Variants in NPTX2 observed in about 807,000 individuals in gnomAD.
NPTX2 encodes the protein neuronal pentraxin 2.
In NPTX2, 23 loss-of-function variants were observed where a neutral mutation model predicts 38.1. That is an observed-to-expected ratio of 0.60 (90% confidence interval 0.43 to 0.85). The LOEUF is 0.85. NPTX2 is among the 40% of genes least tolerant of loss of function. The pLI, the probability that NPTX2 is intolerant of heterozygous loss-of-function variation, is 0.00. For synonymous variants in NPTX2, 291 were observed against 287.3 expected, an observed-to-expected ratio of 1.01 and a Z score of -0.13; for missense variants, 553 against 615.3, an observed-to-expected ratio of 0.90 and a Z score of 1.07.
chr7:98,617,561 CCAGAGGCGGTGCACGCCG>C lies in NPTX2; in HGVS notation c.101_118del (p.Pro34_Gly40delinsArg). On this transcript the variant is annotated inframe_deletion, in exon 1 of 5. Coordinates refer to ENST00000265634, the MANE Select transcript of NPTX2 (RefSeq NM_002523.3). ...CCGCTTCGTGTGCACGGCACTGCCC[CCAGAGGCGGTGCACGCCG>C]GCTGCCCGCTGCCCGCGATGCCCAT... 1 of 1,478,196 alleles carries C rather than the reference CCAGAGGCGGTGCACGCCG, an allele frequency of 6.8e-7. No homozygotes were observed. The highest frequency in any genetic ancestry group is 8.9e-7 in the Non-Finnish European group (1 of 1,121,626). The allele number at this position is 1,478,196 out of a possible 1,614,324, so 91.6% of individuals were successfully genotyped here.
At chr7:98,622,690 C>T (rs926268349) in intron 2 of NPTX2, among the ~76,000 whole-genome samples, 2 of 152,210 alleles carry the variant, frequency 1.3e-5, no homozygotes, top group Admixed American at 1.3e-4. Context: ...TAATGAGAGA[C>T]TAGTCCCAGC....
chr7:98,624,862 T>C, intron 2 of NPTX2, 60 bp from the exon 3 acceptor site: 1 of 1,568,076 alleles, frequency 6.4e-7, no homozygotes, highest in East Asian at 2.3e-5. Context: ...CTCTGGGCCG[T>C]GCTGGTGGGT....
At position 98,617,401 on chromosome 7, in the gene NPTX2, G is replaced by A. The variant is rs1187388593; in HGVS notation, c.-61G>A. The A allele has an allele frequency of 3.2e-4, 148 of 466,568 alleles. No individual in the cohort carries two copies. The East Asian group carries it at 5.2e-3, about 16-fold the overall frequency. The allele number at this position is 466,568 out of a possible 1,614,324, so 28.9% of individuals were successfully genotyped here. On this transcript the variant is annotated 5_prime_UTR_variant, in exon 1 of 5. Transcript: ENST00000265634. ...ACTGCCAGCAGCGAAGGCGCCTCCC[G>A]CGGAGCGCCCCGACGGCGCCCGCTC...
chr7:98,625,238 A>G, intron 3 of NPTX2, 72 bp downstream of exon 3: 1 of 1,522,616 alleles, frequency 6.6e-7, no homozygotes, highest in East Asian at 2.3e-5. Flanking sequence ...CCCCCACCCC[A>G]GCCGTCCTCG....
At chr7:98,619,619 T>C in intron 1 of NPTX2, 24 bp from the exon 2 acceptor site, 1 of 1,591,134 alleles carries the variant, frequency 6.3e-7, no homozygotes, top group Non-Finnish European at 8.6e-7. Context: ...TCTGTGCCCC[T>C]CCCTCCTCCC....
At chr7:98,625,364 C>T (rs1023905058) in intron 3 of NPTX2, among the ~76,000 whole-genome samples, 198 bp downstream of exon 3, 13 of 152,140 alleles carry the variant, frequency 8.5e-5, no homozygotes, top group African/African-American at 2.9e-4. Flanking sequence ...GGGGAGGGGC[C>T]GAGCTGTGAG....
Position 98,619,755 on chromosome 7 carries a change from T to G in NPTX2, c.539T>G (p.Leu180Arg), listed in dbSNP as rs748665307. The change falls in exon 2 of 5, where the codon CTG becomes CGG. Residue 180 changes from leucine (L) to arginine (R), a missense_variant. By Grantham distance (102) the Leu-to-Arg change is moderately radical. Transcript: ENST00000265634. ...ERQLLRKVAE[L>R]EDEKSLLHNE... The stretch of plus-strand genomic sequence containing the variant: ...CAGCTTCTGCGCAAGGTGGCAGAGC[T>G]GGAGGACGAGAAGTCCCTGCTGCAC... 6.2e-7 allele frequency: 1 copy of G among 1,613,516 alleles called. No homozygotes were observed. The highest frequency in any genetic ancestry group is 8.5e-7 in the Non-Finnish European group (1 of 1,180,022).
Position 98,625,115 on chromosome 7 carries a change from C to T in NPTX2, c.837C>T (p.Ile279=), listed in dbSNP as rs201579756. 9.9e-6 allele frequency: 16 copies of T among 1,609,440 alleles called. No homozygotes were observed. The highest frequency in any genetic ancestry group is 4.5e-5 in the East Asian group (2 of 44,758). Residue 279 remains isoleucine (I), a synonymous_variant, in exon 3 of 5, where the codon ATC becomes ATT. Coordinates refer to ENST00000265634, the MANE Select transcript of NPTX2 (RefSeq NM_002523.3). Reference sequence around the variant, plus strand: ...CGGTGCCAGGGCAGGCCAACGAGATCGTGCTGATCGAGTGGGGCAACAACC... The same window carrying T: ...CGGTGCCAGGGCAGGCCAACGAGATTGTGCTGATCGAGTGGGGCAACAACC... The part of the protein sequence containing the change: ...SYAVPGQANE[I]VLIEWGNNPI...
intron 1 of NPTX2, among the ~76,000 whole-genome samples, chr7:98,619,063 G>T (rs1314304219): frequency 6.6e-6 from 1 of 152,192 alleles, no homozygotes; most frequent in African/African-American, 2.4e-5. Context: ...GCCTGCCACA[G>T]CCTCCAGAAC....
At position 98,628,881 on chromosome 7, in the gene NPTX2, G is replaced by T. The variant is rs763301633; in HGVS notation, c.*252G>T. 1.6e-5 allele frequency: 6 copies of T among 379,966 alleles called. No individual in the cohort carries two copies. Among genetic ancestry groups the T allele is most frequent in the African/African-American group, 2.0e-5 (1 of 49,322 alleles). 23.5% of individuals were successfully genotyped at this position (379,966 alleles called of 1,614,324 possible). ...GCCCCCAAGACACCTGCCCCAAGTGGGTGGATATCTGCCTTCCTGCTGCAA... is the reference window on the plus strand; with the variant it reads ...GCCCCCAAGACACCTGCCCCAAGTGTGTGGATATCTGCCTTCCTGCTGCAA... On this transcript the variant is annotated 3_prime_UTR_variant, in exon 5 of 5. Coordinates refer to ENST00000265634, the MANE Select transcript of NPTX2 (RefSeq NM_002523.3).
chr7:98,623,207 G>A (rs114121705), intron 2 of NPTX2, among the ~76,000 whole-genome samples: 1,575 of 152,272 alleles, frequency 0.01, 35 homozygotes, highest in African/African-American at 0.036. Flanking sequence ...AGTGAAGGGC[G>A]TTTAGATTCC....
At chr7:98,626,737 C>T (rs971764311) in intron 3 of NPTX2, among the ~76,000 whole-genome samples, 9 of 151,948 alleles carry the variant, frequency 5.9e-5, no homozygotes, top group South Asian at 4.1e-4. Flanking sequence ...ACACACGTGC[C>T]GCTGCGCAGG....
chr7:98,623,696 C>G (rs569744178), intron 2 of NPTX2, among the ~76,000 whole-genome samples: 12 of 152,176 alleles, frequency 7.9e-5, no homozygotes, highest in Non-Finnish European at 5.9e-5. Context: ...TGCTTCACCT[C>G]GGCAGTGGTA....
At position 98,629,081 on chromosome 7, in the gene NPTX2, C is replaced by G. The variant is rs369029791; in HGVS notation, c.*452C>G. On this transcript the variant is annotated 3_prime_UTR_variant, in exon 5 of 5. Transcript: ENST00000265634. ...GTCCCTTGTGCATTGAGTGCATCCC[C>G]GCTGGTGACTAAGCTCGCAGCAAGC... The G allele has an allele frequency of 6.4e-6, 1 of 155,640 alleles. No homozygotes were observed. Among genetic ancestry groups the G allele is most frequent in the African/African-American group, 2.4e-5 (1 of 41,588 alleles). The allele number at this position is 155,640 out of a possible 1,614,324, so 9.6% of individuals were successfully genotyped here. A position where few individuals can be genotyped will look rare whatever the true frequency, so the allele number is the denominator to read the frequency against.
At chr7:98,618,501 G>C (rs866991654) in intron 1 of NPTX2, among the ~76,000 whole-genome samples, 60 of 150,540 alleles carry the variant, frequency 4.0e-4, no homozygotes, top group African/African-American at 1.4e-3. Context: ...CTGCAAGTTG[G>C]ACCATTTTAA....
Position 98,629,219 on chromosome 7 carries a change from A to C in NPTX2, c.*590A>C, listed in dbSNP as rs1369309503. 6.6e-6 allele frequency: 1 copy of C among 152,578 alleles called. No individual in the cohort carries two copies. The highest frequency in any genetic ancestry group is 1.5e-5 in the Non-Finnish European group (1 of 68,166). 9.5% of individuals were successfully genotyped at this position (152,578 alleles called of 1,614,324 possible). On this transcript the variant is annotated 3_prime_UTR_variant, in exon 5 of 5. Coordinates refer to ENST00000265634, the MANE Select transcript of NPTX2 (RefSeq NM_002523.3). ...GACAAAGCCCCGCCTTCCCCAAAGCAGAGGGGCTGTCTGTGTCTCCAGAAA... is the reference window on the plus strand; with the variant it reads ...GACAAAGCCCCGCCTTCCCCAAAGCCGAGGGGCTGTCTGTGTCTCCAGAAA...
rs1562852106 is a variant in NPTX2, at chr7:98,628,675, G to A, written c.*46G>A. On this transcript the variant is annotated 3_prime_UTR_variant, in exon 5 of 5. Coordinates refer to ENST00000265634, the MANE Select transcript of NPTX2 (RefSeq NM_002523.3). ...GAGGCCGGGATCAGGCTGTTGCCAT[G>A]GAAGTTCAGGGCCATAGACTGCCCC... The A allele has an allele frequency of 3.3e-6, 3 of 896,624 alleles. No individual in the cohort carries two copies. The East Asian group carries it at 8.0e-5, about 24-fold the overall frequency. The allele number at this position is 896,624 out of a possible 1,614,324, so 55.5% of individuals were successfully genotyped here. A position where few individuals can be genotyped will look rare whatever the true frequency, so the allele number is the denominator to read the frequency against.
chr7:98,619,480 A>G (rs918895070), intron 1 of NPTX2, among the ~76,000 whole-genome samples, 163 bp from the exon 2 acceptor site: 1 of 152,248 alleles, frequency 6.6e-6, no homozygotes, highest in African/African-American at 2.4e-5. Context: ...AATCTTTTCC[A>G]TACCAAAAAA....
At chr7:98,619,604 C>A in intron 1 of NPTX2, 39 bp from the exon 2 acceptor site, 1 of 1,549,800 alleles carries the variant, frequency 6.5e-7, no homozygotes, top group South Asian at 1.1e-5. Flanking sequence ...TTCTTTTTAA[C>A]TCTTTCTGTG....
Sources: allele counts gnomAD v4.1 joint callset (sites outside exome capture counted in the v4.1 genomes callset), GRCh38; gene constraint gnomAD v4.1.1; transcripts MANE v1.5; gene names NCBI Gene and HGNC (gene_info 2026-07-23, HGNC 2026-07-21).